GPHN: variants seen among roughly 807,000 people sequenced by gnomAD.
The protein encoded by GPHN is gephyrin.
GPHN carries 17 observed loss-of-function variants against 95.5 expected under a neutral mutation model. That is an observed-to-expected ratio of 0.18 (90% CI 0.12 to 0.27). GPHN has a LOEUF of 0.27. Among genes scored for constraint, GPHN ranks in the 10% least tolerant of loss-of-function variants. GPHN has a pLI of 1.00. For missense variants in GPHN, 660 were observed against 978.1 expected (o/e 0.67, Z 4.34); for synonymous variants, 320 against 322.5 (o/e 0.99, Z 0.08).
At chr14:67,124,824 T>C (rs981937955) in intron 17 of GPHN, among the ~76,000 whole-genome samples, 1 of 151,834 alleles carries the variant, frequency 6.6e-6, no homozygotes, top group Non-Finnish European at 1.5e-5. Context: ...CTTTTTTTTT[T>C]AAAGAGGTTA....
intron 14 of GPHN, 129 bp downstream of exon 14, chr14:67,110,388 G>T (rs1454812916): frequency 2.2e-6 from 2 of 905,000 alleles, no homozygotes. Flanking sequence ...TTTTGCTTAT[G>T]GTGGGATCTT....
the GPHN span, chr14:67,727,233 C>T: frequency 3.3e-6 from 5 of 1,512,092 alleles, no homozygotes; most frequent in Non-Finnish European, 3.6e-6. Flanking sequence ...GTCCTCAGAC[C>T]AAATTAGAGG....
At chr14:67,381,643 G>T in the GPHN span, 23 of 1,613,502 alleles carry the variant, frequency 1.4e-5, no homozygotes, top group Non-Finnish European at 1.8e-5. Flanking sequence ...TGTAAAAGAA[G>T]CCCTAAGAGC....
At chr14:67,009,324 A>G (rs1166015038) in intron 9 of GPHN, among the ~76,000 whole-genome samples, 1 of 152,204 alleles carries the variant, frequency 6.6e-6, no homozygotes, top group East Asian at 1.9e-4. Context: ...CTGAGCCTAA[A>G]TTCTAGGCAA....
At chr14:67,585,949 A>C in the GPHN span, 1 of 1,610,322 alleles carries the variant, frequency 6.2e-7, no homozygotes, top group Non-Finnish European at 8.5e-7. Context: ...TCCTTTCCAC[A>C]GCAAGTGCAC....
At chr14:67,504,304 G>A in the GPHN span, among the ~76,000 whole-genome samples, 5 of 152,304 alleles carry the variant, frequency 3.3e-5, no homozygotes, top group Non-Finnish European at 4.4e-5. Flanking sequence ...GTGAGCCACC[G>A]TGCCCAGGCT....
At chr14:67,433,771 T>C in the GPHN span, among the ~76,000 whole-genome samples, 2 of 152,226 alleles carry the variant, frequency 1.3e-5, no homozygotes, top group South Asian at 4.1e-4. Context: ...TTCAAGCTAT[T>C]TAAAGACTTG....
chr14:67,375,968 G>A, the GPHN span, among the ~76,000 whole-genome samples: 1 of 152,114 alleles, frequency 6.6e-6, no homozygotes, highest in Non-Finnish European at 1.5e-5. Flanking sequence ...TAACTATGAT[G>A]AAGACCTTAA....
At chr14:67,171,739 G>T (rs1301320843) in intron 21 of GPHN, among the ~76,000 whole-genome samples, 3 of 152,124 alleles carry the variant, frequency 2.0e-5, no homozygotes, top group Admixed American at 2.0e-4. Flanking sequence ...GAGTGTATCC[G>T]TGGAGTAACA....
chr14:67,646,557 A>C, the GPHN span: 1 of 1,047,440 alleles, frequency 9.5e-7, no homozygotes, highest in Non-Finnish European at 1.5e-6. Flanking sequence ...AGAAGAAAGC[A>C]GATTGCATAC....
the GPHN span, chr14:67,576,645 C>A: frequency 1.8e-6 from 1 of 547,946 alleles, no homozygotes; most frequent in Non-Finnish European, 3.3e-6. This position sits in a 1 kb window ranked among gnomAD's most constrained non-coding sequence, Gnocchi z 4.0. Context: ...CCCATCCAAG[C>A]TCCAGGGCCC....
chr14:67,206,371 C>T, the GPHN span, among the ~76,000 whole-genome samples: 1 of 152,074 alleles, frequency 6.6e-6, no homozygotes, highest in African/African-American at 2.4e-5. Flanking sequence ...TAGTGGGTGC[C>T]TGTAATCCCA....
the GPHN span, chr14:67,447,270 T>G: frequency 6.6e-6 from 1 of 152,088 alleles, no homozygotes; most frequent in Non-Finnish European, 1.5e-5. Flanking sequence ...GGCACTAATC[T>G]CATTCTCAAA....
intron 1 of GPHN, among the ~76,000 whole-genome samples, chr14:66,530,620 G>A (rs761331872): frequency 6.6e-6 from 1 of 152,182 alleles, no homozygotes; most frequent in Non-Finnish European, 1.5e-5. Flanking sequence ...TGGTCTATGG[G>A]TTGTGAAGAC....
chr14:67,684,380 G>T, the GPHN span: 1 of 152,176 alleles, frequency 6.6e-6, no homozygotes, highest in South Asian at 2.1e-4. Context: ...ATGGAAAGGG[G>T]TAGAGAATGG....
At chr14:67,208,197 T>G in the GPHN span, 1 of 1,612,494 alleles carries the variant, frequency 6.2e-7, no homozygotes, top group Non-Finnish European at 8.5e-7. Flanking sequence ...TTTTTATTTT[T>G]AAAGGAAAAA....
intron 1 of GPHN, among the ~76,000 whole-genome samples, chr14:66,569,352 C>T (rs1199789935): frequency 6.6e-6 from 1 of 152,160 alleles, no homozygotes; most frequent in Admixed American, 6.5e-5. Context: ...CTCTTTAACA[C>T]ACACACCATT....
intron 1 of GPHN, among the ~76,000 whole-genome samples, chr14:66,602,826 A>G (rs1477525275): frequency 6.6e-6 from 1 of 151,932 alleles, no homozygotes. Flanking sequence ...TAAGAATCAC[A>G]TAGTGTTCAA....
intron 7 of GPHN, 102 bp downstream of exon 7, chr14:66,923,040 T>C: frequency 1.0e-6 from 1 of 967,140 alleles, no homozygotes; most frequent in Non-Finnish European, 1.6e-6. Context: ...TAATACTTCT[T>C]CAGAGAACCC....
Sources: allele counts gnomAD v4.1 joint callset (sites outside exome capture counted in the v4.1 genomes callset), GRCh38; gene constraint gnomAD v4.1.1; non-coding constraint Gnocchi (gnomAD v3.1); transcripts MANE v1.5; gene names NCBI Gene and HGNC (gene_info 2026-07-23, HGNC 2026-07-21).